The following DRC4 variants were observed in gnomAD, a reference collection of about 807,000 sequenced individuals.
DRC4 encodes dynein regulatory complex subunit 4.
chr16:90,040,619 C>T, the DRC4 span: 1 of 1,100,634 alleles, frequency 9.1e-7, no homozygotes, highest in South Asian at 1.5e-5. Flanking sequence ...CGGTCGGCCA[C>T]TGAGGAGGGG....
the DRC4 span, chr16:90,043,489 C>T: frequency 1.1e-6 from 1 of 878,458 alleles, no homozygotes; most frequent in African/African-American, 1.7e-5. Flanking sequence ...ATCCTCTTTC[C>T]TGGCTCTGTG....
At chr16:90,025,182 A>G in the DRC4 span, among the ~76,000 whole-genome samples, 32 of 150,594 alleles carry the variant, frequency 2.1e-4, no homozygotes, top group Middle Eastern at 3.4e-3. Context: ...ACGCCTGGCT[A>G]ATTTTTTTGT....
chr16:90,019,912 C>T, the DRC4 span: 1 of 391,728 alleles, frequency 2.6e-6, no homozygotes, highest in Non-Finnish European at 4.6e-6. The surrounding 1 kb of genome is among the most constrained non-coding windows in gnomAD (Gnocchi z 6.1). Context: ...CGGGTGGGGG[C>T]GAGGGCGTGT....
the DRC4 span, chr16:90,035,625 C>A: frequency 6.2e-7 from 1 of 1,614,140 alleles, no homozygotes; most frequent in African/African-American, 1.3e-5. Context: ...CCGCTTCTCC[C>A]TGTGCAGAAA....
chr16:90,028,850 G>A, the DRC4 span: 14 of 912,538 alleles, frequency 1.5e-5, no homozygotes, highest in East Asian at 6.2e-5. Flanking sequence ...AAATCAATAC[G>A]AAGGAGACTG....
chr16:90,038,353 C>T, the DRC4 span, among the ~76,000 whole-genome samples: 1 of 152,140 alleles, frequency 6.6e-6, no homozygotes, highest in Non-Finnish European at 1.5e-5. Context: ...GCCATAAGCA[C>T]AATTTGCTTT....
the DRC4 span, chr16:90,040,004 G>C: frequency 7.8e-3 from 3,419 of 436,996 alleles, 125 homozygotes; most frequent in African/African-American, 0.064. Flanking sequence ...CCATGAAGCA[G>C]CTTTCAGGGT....
the DRC4 span, chr16:90,027,717 G>C: frequency 1.2e-6 from 2 of 1,614,062 alleles, no homozygotes; most frequent in Middle Eastern, 3.3e-4. Flanking sequence ...CATGAGCAAG[G>C]AGCAGGTGAG....
chr16:90,031,071 A>T, the DRC4 span: 1 of 933,186 alleles, frequency 1.1e-6, no homozygotes, highest in Non-Finnish European at 1.5e-6. Context: ...GAAAGGATCT[A>T]GTTATTTTAT....
chr16:90,031,291 C>T, the DRC4 span: 11 of 1,611,606 alleles, frequency 6.8e-6, no homozygotes, highest in African/African-American at 1.1e-4. Flanking sequence ...CCCACTGCAC[C>T]TGGCCAGGTG....
the DRC4 span, among the ~76,000 whole-genome samples, chr16:90,025,715 C>G: frequency 2.1e-5 from 3 of 146,018 alleles, no homozygotes; most frequent in Non-Finnish European, 4.5e-5. Flanking sequence ...GAAACCTCGT[C>G]TCTACTAAAA....
At chr16:90,031,315 G>A in the DRC4 span, 1 of 1,612,856 alleles carries the variant, frequency 6.2e-7, no homozygotes, top group Non-Finnish European at 8.5e-7. Flanking sequence ...GAGCATGTCA[G>A]CCGCATCCGG....
chr16:90,022,764 G>T, the DRC4 span: 2 of 1,344,508 alleles, frequency 1.5e-6, no homozygotes, highest in Non-Finnish European at 1.9e-6. Context: ...CCTCGGCAGG[G>T]GCCCGGAGAC....
the DRC4 span, chr16:90,031,363 TC>T: frequency 6.2e-7 from 1 of 1,612,506 alleles, no homozygotes; most frequent in Non-Finnish European, 8.5e-7. Context: ...CGAAACTACT[TC>T]CAGCTGGAGC....
the DRC4 span, among the ~76,000 whole-genome samples, chr16:90,023,156 C>G: frequency 6.6e-6 from 1 of 152,208 alleles, no homozygotes; most frequent in Non-Finnish European, 1.5e-5. Context: ...AGGAATTACC[C>G]TAAGACCTTT....
At chr16:90,029,396 G>C in the DRC4 span, 9 of 1,040,580 alleles carry the variant, frequency 8.6e-6, no homozygotes, top group South Asian at 1.2e-4. Flanking sequence ...GTTTTTTTCT[G>C]ATTTTCCAAG....
the DRC4 span, chr16:90,035,805 G>A: frequency 6.2e-7 from 1 of 1,600,930 alleles, no homozygotes; most frequent in Non-Finnish European, 8.5e-7. Flanking sequence ...AACAGCCAAG[G>A]CATGCAAGAG....
At chr16:90,041,875 C>T in the DRC4 span, among the ~76,000 whole-genome samples, 1 of 152,184 alleles carries the variant, frequency 6.6e-6, no homozygotes, top group Admixed American at 6.6e-5. Flanking sequence ...AGTGACCAGT[C>T]TCCACAGTGT....
the DRC4 span, chr16:90,020,699 C>T: frequency 6.6e-6 from 1 of 152,272 alleles, no homozygotes; most frequent in Non-Finnish European, 1.5e-5. Context: ...CTGAATGATT[C>T]ATCTCTGCAG....
Sources: allele counts gnomAD v4.1 joint callset (sites outside exome capture counted in the v4.1 genomes callset), GRCh38; gene constraint gnomAD v4.1.1; non-coding constraint Gnocchi (gnomAD v3.1); transcripts MANE v1.5; gene names NCBI Gene and HGNC (gene_info 2026-07-23, HGNC 2026-07-21).